SLCO3A1: variants seen among roughly 807,000 people sequenced by gnomAD.
The protein encoded by SLCO3A1 is PGE1 transporter.
Under a neutral mutation model 63.1 loss-of-function variants are expected in SLCO3A1, and 27 were observed. The ratio of observed to expected loss-of-function variants is 0.43; its 90% CI spans 0.32 to 0.59. SLCO3A1 has a LOEUF of 0.59. Ranked by LOEUF, SLCO3A1 falls within the 20% of genes least tolerant of loss-of-function variation. The pLI, the probability that SLCO3A1 is intolerant of heterozygous loss-of-function variation, is 0.09. For missense variants in SLCO3A1, 773 were observed against 945.8 expected (o/e 0.82, Z 2.40); for synonymous variants, 473 against 409.9 (o/e 1.15, Z -1.86).
chr15:92,063,991 G>C (rs557805361), intron 2 of SLCO3A1, among the ~76,000 whole-genome samples: 4 of 152,320 alleles, frequency 2.6e-5, no homozygotes, highest in African/African-American at 9.6e-5. Context: ...TTTCATAGAT[G>C]GGATGAACAC....
chr15:91,879,696 A>G (rs1184858116), intron 1 of SLCO3A1, among the ~76,000 whole-genome samples: 1 of 152,202 alleles, frequency 6.6e-6, no homozygotes, highest in East Asian at 1.9e-4. Context: ...ATACAAATAT[A>G]TAGATGTCCC....
At chr15:91,880,798 C>T (rs1450810585) in intron 1 of SLCO3A1, among the ~76,000 whole-genome samples, 1 of 152,102 alleles carries the variant, frequency 6.6e-6, no homozygotes, top group African/African-American at 2.4e-5. Flanking sequence ...TCTATTTAAA[C>T]AGAAGTATCT....
intron 4 of SLCO3A1, among the ~76,000 whole-genome samples, chr15:92,119,105 T>C (rs1596117605): frequency 9.0e-6 from 1 of 110,754 alleles, no homozygotes; most frequent in African/African-American, 3.3e-5. Flanking sequence ...ATGACAGGGT[T>C]GTCCTGGTGC....
At chr15:92,134,663 A>C (rs2048034710) in intron 7 of SLCO3A1, among the ~76,000 whole-genome samples, 1 of 152,232 alleles carries the variant, frequency 6.6e-6, no homozygotes, top group Non-Finnish European at 1.5e-5. Flanking sequence ...AGGGGCCAAA[A>C]AACTAAATTT....
At chr15:92,118,338 A>G (rs1043404784) in intron 4 of SLCO3A1, among the ~76,000 whole-genome samples, 10 of 152,230 alleles carry the variant, frequency 6.6e-5, no homozygotes, top group African/African-American at 2.4e-4. Flanking sequence ...AGGCTTTGCC[A>G]ATTCCAAGCT....
rs1038436552 is a variant in SLCO3A1 at position 92,132,790 on chromosome 15, C to T, written c.1512+4301C>T. Among the ~76,000 whole-genome samples the T allele has an allele frequency of 1.0e-4, 15 of 144,892 alleles. 3 individuals are homozygous for T. Among genetic ancestry groups the T allele is most frequent in the Admixed American group, 2.7e-4 (4 of 14,558 alleles). ...GTGAAATGCCAAGTAGGTTCTGTGGCGGGGAGGAGGACAGCTCCATTATGG... is the reference window on the plus strand; with the variant it reads ...GTGAAATGCCAAGTAGGTTCTGTGGTGGGGAGGAGGACAGCTCCATTATGG... On this transcript the variant is annotated intron_variant, in intron 7 of 9. Transcript: ENST00000318445.
At chr15:92,082,125 C>A (rs1011479011) in intron 2 of SLCO3A1, among the ~76,000 whole-genome samples, 1 of 152,220 alleles carries the variant, frequency 6.6e-6, no homozygotes, top group Non-Finnish European at 1.5e-5. Flanking sequence ...CTGTTCACCT[C>A]CTCCTCAGAC....
rs1202827939 is a variant in SLCO3A1, at chr15:91,872,538, AAAAAAAGAAAAG to A, written c.180+18460_180+18471del. Among the ~76,000 whole-genome samples the A allele has an allele frequency of 6.6e-6, 1 of 151,848 alleles. No individual in the cohort carries two copies. Among genetic ancestry groups the A allele is most frequent in the Non-Finnish European group, 1.5e-5 (1 of 68,016 alleles). On this transcript the variant is annotated intron_variant, in intron 1 of 9. Transcript: ENST00000318445. The surrounding 1 kb of genome is among the most constrained non-coding windows in gnomAD (Gnocchi z 4.1). ...AACAAAATGAGACTCCGTCTCAAAAAAAAAAAGAAAAGAAAAAAGAAGAAAGAAAGAACGTGC... is the reference window on the plus strand; with the variant it reads ...AACAAAATGAGACTCCGTCTCAAAAAAAAAAAGAAGAAAGAAAGAACGTGC...
chr15:91,854,159 C>G lies in SLCO3A1; in HGVS notation c.180+71C>G, dbSNP rs1896850608. On this transcript the variant is annotated intron_variant, in intron 1 of 9. Transcript: ENST00000318445. This position sits in a 1 kb window ranked among gnomAD's most constrained non-coding sequence, Gnocchi z 6.4. ...GCTCTCGAGCGGCCGCCTGGCCCGA[C>G]GAGGGGGCCGCCCGGCGCTGGGGGC... 2 of 1,256,440 alleles carry G rather than the reference C, an allele frequency of 1.6e-6. No individual in the cohort carries two copies. The highest frequency in any genetic ancestry group is 1.0e-6 in the Non-Finnish European group (1 of 979,814). 77.8% of individuals were successfully genotyped at this position (1,256,440 alleles called of 1,614,324 possible).
intron 2 of SLCO3A1, among the ~76,000 whole-genome samples, chr15:91,997,613 A>T (rs1288748033): frequency 6.6e-6 from 1 of 152,228 alleles, no homozygotes; most frequent in Non-Finnish European, 1.5e-5. Flanking sequence ...AAACTATGCT[A>T]TAAAGACATA....
intron 1 of SLCO3A1, among the ~76,000 whole-genome samples, chr15:91,876,242 C>G (rs1897395375): frequency 6.6e-6 from 1 of 152,218 alleles, no homozygotes; most frequent in Non-Finnish European, 1.5e-5. Context: ...TGGGAAAGTT[C>G]ATTTAGTCTG....
chr15:92,136,697 A>G (rs4777728), intron 7 of SLCO3A1, among the ~76,000 whole-genome samples: 23,617 of 152,182 alleles, frequency 0.16, 2,588 homozygotes, highest in African/African-American at 0.3. Context: ...AAAGTATAAA[A>G]AGGAGGATAT....
chr15:91,988,116 C>G (rs957636004), intron 2 of SLCO3A1, among the ~76,000 whole-genome samples: 1 of 152,060 alleles, frequency 6.6e-6, no homozygotes, highest in Non-Finnish European at 1.5e-5. Context: ...TGAAAAATGG[C>G]GTAGGGTTGG....
intron 1 of SLCO3A1, among the ~76,000 whole-genome samples, chr15:91,910,084 TACTC>T (rs1898437536): frequency 6.6e-6 from 1 of 152,192 alleles, no homozygotes; most frequent in Non-Finnish European, 1.5e-5. Flanking sequence ...CTCAGACGAC[TACTC>T]ACAGTTCTCT....
intron 9 of SLCO3A1, among the ~76,000 whole-genome samples, chr15:92,158,456 T>TA (rs1165329172): frequency 6.6e-6 from 1 of 152,058 alleles, no homozygotes; most frequent in Non-Finnish European, 1.5e-5. Flanking sequence ...GTATGTGAAA[T>TA]AAGGTGGGGC....
chr15:92,097,298 G>A (rs570065816), intron 3 of SLCO3A1, among the ~76,000 whole-genome samples: 3 of 152,144 alleles, frequency 2.0e-5, no homozygotes, highest in South Asian at 4.1e-4. Context: ...ATAAAACCCC[G>A]ATCTCCTGAG....
intron 2 of SLCO3A1, among the ~76,000 whole-genome samples, chr15:92,003,541 T>C (rs983146745): frequency 6.6e-6 from 1 of 152,226 alleles, no homozygotes; most frequent in Non-Finnish European, 1.5e-5. Flanking sequence ...TGTTAGTGAA[T>C]ACCTCGTTAT....
chr15:92,158,748 G>T (rs1437409030), intron 9 of SLCO3A1, among the ~76,000 whole-genome samples: 2 of 152,146 alleles, frequency 1.3e-5, no homozygotes, highest in African/African-American at 4.8e-5. Context: ...GAATGGCAGA[G>T]GCCTCTAACA....
chr15:92,021,718 C>G (rs1486914966), intron 2 of SLCO3A1, among the ~76,000 whole-genome samples: 3 of 152,168 alleles, frequency 2.0e-5, no homozygotes, highest in African/African-American at 7.2e-5. Context: ...CAGCCCTACC[C>G]TCAAGAAGCT....
Sources: gnomAD v4.1 joint callset for allele counts (sites outside exome capture counted in the v4.1 genomes callset) on GRCh38, gnomAD v4.1.1 for gene constraint, Gnocchi (gnomAD v3.1) non-coding constraint, MANE v1.5 for transcripts, NCBI Gene and HGNC (gene_info 2026-07-23, HGNC 2026-07-21) for gene names.